RABEP1: variants seen among roughly 807,000 people sequenced by gnomAD.
RABEP1 encodes the protein rab GTPase-binding effector protein 1.
RABEP1 carries 51 observed loss-of-function variants against 123.4 expected under a neutral mutation model. The ratio of observed to expected loss-of-function variants is 0.41; its 90% CI spans 0.33 to 0.52. The LOEUF (loss-of-function observed/expected upper bound fraction) is 0.52. Among genes scored for constraint, RABEP1 ranks in the 20% least tolerant of loss-of-function variants. The probability of loss-of-function intolerance (pLI) is 0.16; values close to 1 mark genes in which losing one functional copy is unlikely to be tolerated. For missense variants in RABEP1, 888 were observed against 996.3 expected, an observed-to-expected ratio of 0.89 and a Z score of 1.46; for synonymous variants, 347 against 355.2, an observed-to-expected ratio of 0.98 and a Z score of 0.26.
chr17:5,354,126 A>G (rs1471794605), intron 7 of RABEP1, among the ~76,000 whole-genome samples: 1 of 152,094 alleles, frequency 6.6e-6, no homozygotes, highest in Non-Finnish European at 1.5e-5. Flanking sequence ...TTTTCTTGGA[A>G]GCTGCTTCCT....
At chr17:5,341,768 A>T (rs1380193508) in intron 5 of RABEP1, among the ~76,000 whole-genome samples, 1 of 152,238 alleles carries the variant, frequency 6.6e-6, no homozygotes, top group African/African-American at 2.4e-5. Context: ...TATTCCCAGA[A>T]ATTTATCGGA....
chr17:5,336,944 C>T (rs1240832574), intron 4 of RABEP1, among the ~76,000 whole-genome samples: 1 of 152,166 alleles, frequency 6.6e-6, no homozygotes, highest in East Asian at 1.9e-4. Flanking sequence ...CCCTATCGTG[C>T]ACAACTTAGT....
intron 5 of RABEP1, among the ~76,000 whole-genome samples, chr17:5,340,514 CTG>C (rs1395888377): frequency 1.3e-5 from 2 of 151,654 alleles, no homozygotes; most frequent in African/African-American, 2.4e-5. Context: ...AGACCCAATT[CTG>C]TAACTATGGG....
chr17:5,321,145 AC>A (rs1341304798), intron 2 of RABEP1, among the ~76,000 whole-genome samples: 2 of 152,122 alleles, frequency 1.3e-5, no homozygotes, highest in Non-Finnish European at 2.9e-5. Context: ...CCCTGGCTCT[AC>A]AAAAAATAAA....
chr17:5,302,390 G>A (rs2075143476), intron 1 of RABEP1, among the ~76,000 whole-genome samples: 1 of 151,484 alleles, frequency 6.6e-6, no homozygotes, highest in South Asian at 2.1e-4. Flanking sequence ...ACAGGCGTCC[G>A]CCACCATGCC....
At chr17:5,374,634 T>C (rs1407165252) in intron 13 of RABEP1, among the ~76,000 whole-genome samples, 1 of 151,462 alleles carries the variant, frequency 6.6e-6, no homozygotes, top group Non-Finnish European at 1.5e-5. Context: ...TTTTTTATTA[T>C]TTTTTATTTT....
At chr17:5,380,560 T>A in intron 16 of RABEP1, 98 bp downstream of exon 16, 1 of 1,070,170 alleles carries the variant, frequency 9.3e-7, no homozygotes, top group Non-Finnish European at 1.4e-6. Context: ...CTTTGAAGTG[T>A]CACCTTTTAA....
At chr17:5,306,161 C>G (rs1023618720) in intron 1 of RABEP1, among the ~76,000 whole-genome samples, 1 of 152,132 alleles carries the variant, frequency 6.6e-6, no homozygotes, top group Non-Finnish European at 1.5e-5. Flanking sequence ...GCCTAGCTAC[C>G]TTAAATGTAC....
chr17:5,378,863 T>G (rs988065998), intron 15 of RABEP1, among the ~76,000 whole-genome samples: 3 of 152,188 alleles, frequency 2.0e-5, no homozygotes, highest in South Asian at 2.1e-4. Flanking sequence ...TGGCTTGCTT[T>G]CTTTCCCCTA....
chr17:5,320,989 C>G (rs542567339), intron 2 of RABEP1, among the ~76,000 whole-genome samples: 1 of 152,180 alleles, frequency 6.6e-6, no homozygotes, highest in Non-Finnish European at 1.5e-5. Flanking sequence ...GTTAAAGAAA[C>G]AAGCCCCAAC....
intron 6 of RABEP1, among the ~76,000 whole-genome samples, chr17:5,348,208 A>G (rs972327275): frequency 1.4e-4 from 22 of 152,182 alleles, no homozygotes; most frequent in Admixed American, 3.9e-4. Flanking sequence ...TGAACTCCTG[A>G]CCTCAGGTGA....
rs769648481 is a variant in RABEP1, at chr17:5,373,373, T to C, written c.1944T>C (p.Asp648=). Residue 648 remains aspartate, a synonymous_variant, in exon 13 of 18, where the codon GAT becomes GAC. Transcript: ENST00000537505. ...AAGAGCTGGTGAGGTTACAGAAAGA[T>C]AATGACAGTCTCCAGGGAAAGCACA... ...VSEELVRLQK[D]NDSLQGKHSL... 16 of 1,613,384 alleles carry C rather than the reference T, an allele frequency of 9.9e-6. No individual in the cohort carries two copies. The highest frequency in any genetic ancestry group is 1.4e-5 in the Non-Finnish European group (16 of 1,179,916).
intron 2 of RABEP1, among the ~76,000 whole-genome samples, chr17:5,316,966 A>C (rs1597348823): frequency 6.6e-6 from 1 of 151,990 alleles, no homozygotes; most frequent in Non-Finnish European, 1.5e-5. Context: ...GTGCTGTGGC[A>C]CTATGTCGGC....
chr17:5,353,399 ATTGT>A (rs1377018830), intron 7 of RABEP1, among the ~76,000 whole-genome samples: 2 of 152,114 alleles, frequency 1.3e-5, no homozygotes, highest in Non-Finnish European at 2.9e-5. Flanking sequence ...TTGTATTGTA[ATTGT>A]TTGTCTCTCC....
intron 2 of RABEP1, among the ~76,000 whole-genome samples, chr17:5,328,051 T>C (rs532271651): frequency 1.3e-5 from 2 of 152,310 alleles, no homozygotes; most frequent in African/African-American, 2.4e-5. Flanking sequence ...GAAGTAGTTA[T>C]CAACAGTCAA....
At chr17:5,345,054 A>G (rs1336461904) in intron 5 of RABEP1, among the ~76,000 whole-genome samples, 1 of 152,244 alleles carries the variant, frequency 6.6e-6, no homozygotes, top group Non-Finnish European at 1.5e-5. Context: ...GTGTGAAAAG[A>G]TAGTCAACAT....
intron 2 of RABEP1, among the ~76,000 whole-genome samples, chr17:5,321,608 T>C (rs1597353348): frequency 6.6e-6 from 1 of 151,794 alleles, no homozygotes; most frequent in East Asian, 1.9e-4. Context: ...TGACCATGTC[T>C]CAAAAAAATA....
chr17:5,291,562 A>G (rs1187403324), intron 1 of RABEP1, among the ~76,000 whole-genome samples: 1 of 152,168 alleles, frequency 6.6e-6, no homozygotes, highest in Non-Finnish European at 1.5e-5. Flanking sequence ...TCATTTGGTT[A>G]TGATGTGAAC....
At chr17:5,372,305 C>T (rs907450466) in intron 12 of RABEP1, among the ~76,000 whole-genome samples, 19 of 151,996 alleles carry the variant, frequency 1.3e-4, no homozygotes, top group Admixed American at 8.5e-4. Context: ...ATGAGCTGGG[C>T]GTGGTGGTGC....
Sources: allele counts gnomAD v4.1 joint callset (sites outside exome capture counted in the v4.1 genomes callset), GRCh38; gene constraint gnomAD v4.1.1; transcripts MANE v1.5; gene names NCBI Gene and HGNC (gene_info 2026-07-23, HGNC 2026-07-21).